The following MACROD2 variants were observed in gnomAD, a reference collection of about 807,000 sequenced individuals.
MACROD2 encodes the protein ADP-ribose glycohydrolase MACROD2.
Under a neutral mutation model 70.4 loss-of-function variants are expected in MACROD2, and 36 were observed. The observed-to-expected ratio is 0.51, with a 90% CI of 0.39 to 0.68. The LOEUF (loss-of-function observed/expected upper bound fraction) is 0.68, where lower values mean the gene tolerates loss of function less well. Among genes scored for constraint, MACROD2 ranks in the 30% least tolerant of loss-of-function variants. The pLI is 0.00. For missense variants in MACROD2, 496 were observed against 538.4 expected, an observed-to-expected ratio of 0.92 and a Z score of 0.78; for synonymous variants, 172 against 178.8, an observed-to-expected ratio of 0.96 and a Z score of 0.30.
chr20:15,891,418 T>C (rs2064888025), intron 10 of MACROD2, among the ~76,000 whole-genome samples: 1 of 152,142 alleles, frequency 6.6e-6, no homozygotes, highest in African/African-American at 2.4e-5. Context: ...AAGCAATGGT[T>C]TTTAAACAGG....
intron 8 of MACROD2, among the ~76,000 whole-genome samples, chr20:15,592,544 A>T (rs896462550): frequency 6.6e-6 from 1 of 152,232 alleles, no homozygotes; most frequent in African/African-American, 2.4e-5. Flanking sequence ...TAAAGCTCAC[A>T]GTCATAAAAG....
intron 3 of MACROD2, among the ~76,000 whole-genome samples, chr20:14,142,376 G>A (rs1321828099): frequency 5.3e-5 from 8 of 152,106 alleles, no homozygotes; most frequent in Non-Finnish European, 8.8e-5. Flanking sequence ...GCTGCTTAGC[G>A]ACCACAGGTT....
Position 15,579,506 on chromosome 20 carries a change from A to G in MACROD2, c.645+79659A>G, listed in dbSNP as rs768002161. 6.6e-5 allele frequency among the ~76,000 whole-genome samples: 10 copies of G among 152,204 alleles called. No individual in the cohort carries two copies. In the East Asian group the frequency reaches 7.7e-4, roughly 12 times the overall value. On this transcript the variant is annotated intron_variant, in intron 8 of 17. Coordinates refer to ENST00000684519, the MANE Select transcript of MACROD2 (RefSeq NM_001351661.2). ...AAATGAGCTAGGCACAGCATTTCAT[A>G]TGGTGAAGCTTGCTGTTTGGTACAG...
At chr20:14,716,810 C>A (rs1453042143) in intron 5 of MACROD2, among the ~76,000 whole-genome samples, 1 of 151,934 alleles carries the variant, frequency 6.6e-6, no homozygotes, top group African/African-American at 2.4e-5. Context: ...AGCTGATGAA[C>A]GAGACTAGCT....
intron 5 of MACROD2, among the ~76,000 whole-genome samples, chr20:14,792,947 A>AT (rs1217805396): frequency 6.6e-6 from 1 of 151,776 alleles, no homozygotes; most frequent in African/African-American, 2.4e-5. Context: ...GTTATTTTGG[A>AT]TTTTTTTTAA....
chr20:15,214,734 T>C (rs2076793826), intron 5 of MACROD2, among the ~76,000 whole-genome samples: 1 of 152,216 alleles, frequency 6.6e-6, no homozygotes, highest in Admixed American at 6.5e-5. Flanking sequence ...CATTCACTTA[T>C]TCTGTTAAAG....
chr20:14,894,528 C>T (rs2073804507), intron 5 of MACROD2: 1 of 152,088 alleles, frequency 6.6e-6, no homozygotes, highest in African/African-American at 2.4e-5. Context: ...TGGCTTTTAC[C>T]TCTACTTTTA....
chr20:15,727,921 T>C (rs1445397296), intron 8 of MACROD2, among the ~76,000 whole-genome samples: 1 of 152,182 alleles, frequency 6.6e-6, no homozygotes, highest in Non-Finnish European at 1.5e-5. Context: ...CTTTTGTTTC[T>C]TTCTCTTGCC....
intron 5 of MACROD2, among the ~76,000 whole-genome samples, chr20:15,060,178 A>G (rs2075520843): frequency 6.6e-6 from 1 of 152,190 alleles, no homozygotes; most frequent in African/African-American, 2.4e-5. Flanking sequence ...TAACGTTTCA[A>G]GTTGGTTAAG....
At chr20:15,266,680 T>C (rs1399532016) in intron 6 of MACROD2, among the ~76,000 whole-genome samples, 1 of 152,242 alleles carries the variant, frequency 6.6e-6, no homozygotes, top group Non-Finnish European at 1.5e-5. Context: ...CACACTTCAG[T>C]GAATCCCCAT....
intron 3 of MACROD2, among the ~76,000 whole-genome samples, chr20:14,164,604 T>C (rs2055239134): frequency 2.0e-5 from 3 of 151,918 alleles, no homozygotes; most frequent in South Asian, 2.1e-4. Context: ...TGGGTGGGCC[T>C]GTCTCCAGGG....
At chr20:14,010,532 A>G (rs992978615) in intron 2 of MACROD2, among the ~76,000 whole-genome samples, 21 of 152,120 alleles carry the variant, frequency 1.4e-4, no homozygotes, top group African/African-American at 4.8e-4. Context: ...TCTTTTTTCC[A>G]GTGCTTAGTT....
chr20:15,741,245 C>T (rs2051100734), intron 8 of MACROD2, among the ~76,000 whole-genome samples: 1 of 149,980 alleles, frequency 6.7e-6, no homozygotes, highest in Non-Finnish European at 1.5e-5. Context: ...GCACACACCA[C>T]CACACCCGGC....
intron 2 of MACROD2, among the ~76,000 whole-genome samples, chr20:14,054,138 C>T (rs2053605655): frequency 6.7e-6 from 1 of 150,082 alleles, no homozygotes; most frequent in East Asian, 1.9e-4. Context: ...TTTTCTGCCT[C>T]CCCCACCACA....
chr20:15,057,226 G>T (rs146643228), intron 5 of MACROD2, among the ~76,000 whole-genome samples: 1 of 152,280 alleles, frequency 6.6e-6, no homozygotes, highest in East Asian at 1.9e-4. Context: ...TACATGATAG[G>T]ATATATGTAC....
chr20:15,526,326 T>C (rs6079873), intron 8 of MACROD2, among the ~76,000 whole-genome samples: 7,101 of 152,272 alleles, frequency 0.047, 215 homozygotes, highest in East Asian at 0.16. Flanking sequence ...GATGGAATGA[T>C]ATATAATTAG....
At chr20:14,008,894 G>A (rs2052859899) in intron 2 of MACROD2, among the ~76,000 whole-genome samples, 1 of 152,146 alleles carries the variant, frequency 6.6e-6, no homozygotes, top group Non-Finnish European at 1.5e-5. Context: ...TTAATAAATG[G>A]TGCTGGGAAA....
chr20:14,634,801 A>G (rs891554508), intron 4 of MACROD2, among the ~76,000 whole-genome samples: 1 of 152,152 alleles, frequency 6.6e-6, no homozygotes, highest in Non-Finnish European at 1.5e-5. Context: ...TTTCATCTGA[A>G]ATTATGTGTT....
At chr20:14,439,928 G>A (rs1325908620) in intron 3 of MACROD2, among the ~76,000 whole-genome samples, 1 of 152,180 alleles carries the variant, frequency 6.6e-6, no homozygotes, top group African/African-American at 2.4e-5. Flanking sequence ...GAAAGCCCAT[G>A]AAAATGAGAC....
Sources: gnomAD v4.1 joint callset for allele counts (sites outside exome capture counted in the v4.1 genomes callset) on GRCh38, gnomAD v4.1.1 for gene constraint, MANE v1.5 for transcripts, NCBI Gene and HGNC (gene_info 2026-07-23, HGNC 2026-07-21) for gene names.